NCOA2: variants seen among roughly 807,000 people sequenced by gnomAD.
NCOA2 encodes nuclear receptor coactivator 2.
NCOA2 carries 21 observed loss-of-function variants against 145.1 expected under a neutral mutation model. The ratio of observed to expected loss-of-function variants is 0.14; its 90% CI spans 0.10 to 0.21. NCOA2 has a LOEUF of 0.21. Ranked by LOEUF, NCOA2 falls within the 10% of genes least tolerant of loss-of-function variation. The pLI is 1.00. For synonymous variants in NCOA2, 619 were observed against 637.5 expected, an observed-to-expected ratio of 0.97 and a Z score of 0.44; for missense variants, 1,472 against 1,837.6, an observed-to-expected ratio of 0.80 and a Z score of 3.64.
rs558163183 is a variant in NCOA2, at chr8:70,136,103, G to A, written c.3158+2100C>T. 8.4e-4 allele frequency among the ~76,000 whole-genome samples: 128 copies of A among 152,286 alleles called. 1 individual carries two copies. The highest frequency in any genetic ancestry group is 3.0e-3 in the African/African-American group (124 of 41,540). On this transcript the variant is annotated intron_variant, in intron 15 of 22. Coordinates refer to ENST00000452400, the MANE Select transcript of NCOA2 (RefSeq NM_006540.4). ...AAATTGTGAACTTAGGCTGGGCGCG[G>A]TGGCTCACACCTACAATCTCAGCAC...
In NCOA2 at chr8:70,113,663, A is replaced by T. The variant is rs772301326; in HGVS notation, c.4384-20T>A. 6.2e-5 allele frequency: 96 copies of T among 1,551,248 alleles called. No individual in the cohort carries two copies. The highest frequency in any genetic ancestry group is 1.2e-4 in the Admixed American group (6 of 50,986). Reference sequence around the variant, plus strand: ...ATATTTCTGTAGGAAAACAGATAAAAAGTTGTGAAACATCTTTGAGGTTTT... The same window carrying T: ...ATATTTCTGTAGGAAAACAGATAAATAGTTGTGAAACATCTTTGAGGTTTT... On this transcript the variant is annotated intron_variant, in intron 22 of 22. Coordinates refer to ENST00000452400, the MANE Select transcript of NCOA2 (RefSeq NM_006540.4).
At chr8:70,402,980 C>T (rs895631061) in intron 1 of NCOA2, among the ~76,000 whole-genome samples, 1 of 145,386 alleles carries the variant, frequency 6.9e-6, no homozygotes, top group Non-Finnish European at 1.5e-5. Flanking sequence ...CGGCGCCCCT[C>T]GCCCCCCACC....
chr8:70,234,875 C>T (rs78866747), intron 2 of NCOA2, among the ~76,000 whole-genome samples: 4,398 of 152,250 alleles, frequency 0.029, 106 homozygotes, highest in Non-Finnish European at 0.047. Context: ...AGATTAAGAA[C>T]CCCTGTTCTA....
chr8:70,293,102 T>C (rs920173132), intron 2 of NCOA2, among the ~76,000 whole-genome samples: 3 of 151,924 alleles, frequency 2.0e-5, no homozygotes, highest in Non-Finnish European at 2.9e-5. Flanking sequence ...TTGAAGAAAA[T>C]ACCACAAAAA....
At chr8:70,183,431 A>G (rs1268652011) in intron 4 of NCOA2, among the ~76,000 whole-genome samples, 2 of 152,256 alleles carry the variant, frequency 1.3e-5, no homozygotes, top group Non-Finnish European at 2.9e-5. Flanking sequence ...TATGAAAATT[A>G]TATTTAAAAA....
upstream of NCOA2, among the ~76,000 whole-genome samples, chr8:70,406,618 A>C (rs958429128): frequency 1.3e-5 from 2 of 152,244 alleles, no homozygotes; most frequent in Non-Finnish European, 2.9e-5. Flanking sequence ...GAAACACCAA[A>C]AATGTCAGCA....
In NCOA2 at chr8:70,156,788, C is replaced by T. The variant is rs1307310193; in HGVS notation, c.1577G>A (p.Ser526Asn). 2 of 1,613,894 alleles carry T rather than the reference C, an allele frequency of 1.2e-6. No homozygotes were observed. The highest frequency in any genetic ancestry group is 1.3e-5 in the African/African-American group (1 of 74,928). The part of the protein sequence containing the change: ...PVGVCSSTGN[S>N]HSYTNSSLNA... ...GAGGGAGCTGTTGGTATAACTATGGCTATTTCCTGTGCTGCTGCAAACTCC... is the reference window on the plus strand; with the variant it reads ...GAGGGAGCTGTTGGTATAACTATGGTTATTTCCTGTGCTGCTGCAAACTCC... The change falls in exon 11 of 23, where the codon AGC becomes AAC. Residue 526 changes from serine (S) to asparagine (N), a missense_variant. Ser to Asn is a conservative substitution (Grantham distance 46, BLOSUM62 1). Transcript: ENST00000452400.
chr8:70,124,855 C>A lies in NCOA2; in HGVS notation c.3927G>T (p.Gln1309His). The change falls in exon 20 of 23, where the codon CAG becomes CAT. Residue 1309 changes from glutamine to histidine, a missense_variant. Physicochemically the swap from Gln to His is conservative, Grantham distance 24. Coordinates refer to ENST00000452400, the MANE Select transcript of NCOA2 (RefSeq NM_006540.4). Reference protein sequence around the residue: ...FPFPPNYGISQQPDPGFTGAT... With the variant: ...FPFPPNYGISHQPDPGFTGAT... ...CCCCAGTAAAGCCTGGATCAGGTTGCTGACTTATTCCTTAAAAAAAAAAAC... is the reference window on the plus strand; with the variant it reads ...CCCCAGTAAAGCCTGGATCAGGTTGATGACTTATTCCTTAAAAAAAAAAAC... 1 of 1,576,286 alleles carries A rather than the reference C, an allele frequency of 6.3e-7. No individual in the cohort carries two copies. Among genetic ancestry groups the A allele is most frequent in the Non-Finnish European group, 8.6e-7 (1 of 1,168,194 alleles).
intron 8 of NCOA2, 119 bp downstream of exon 8, chr8:70,163,346 C>T: frequency 1.4e-6 from 1 of 693,736 alleles, no homozygotes; most frequent in African/African-American, 1.8e-5. Context: ...GACATTTCTA[C>T]TGCAGCAGCA....
chr8:70,157,146 C>T lies in NCOA2; in HGVS notation c.1219G>A (p.Ala407Thr). The T allele has an allele frequency of 6.2e-7, 1 of 1,612,716 alleles. No individual in the cohort carries two copies. Among genetic ancestry groups the T allele is most frequent in the East Asian group, 2.2e-5 (1 of 44,848 alleles). The stretch of plus-strand genomic sequence containing the variant: ...TGACCTGGGTTCCCACTGCACAGGG[C>T]CTGATGGGCAGGGCTGTTAGAGCTA... Reference protein sequence around the residue: ...PISSNSPAHQALCSGNPGQDM... With the variant: ...PISSNSPAHQTLCSGNPGQDM... Residue 407 changes from alanine to threonine, a missense_variant, in exon 11 of 23, where the codon GCC becomes ACC. Ala to Thr is a moderately conservative substitution (Grantham distance 58). Around this residue, in one of 4 missense-constraint regions of NCOA2, gnomAD observed 953 missense variants for 1,062.1 expected, o/e 0.90. Coordinates refer to ENST00000452400, the MANE Select transcript of NCOA2 (RefSeq NM_006540.4).
chr8:70,420,574 G>A, the NCOA2 span, among the ~76,000 whole-genome samples: 3 of 152,196 alleles, frequency 2.0e-5, no homozygotes, highest in African/African-American at 7.2e-5. Context: ...GGGAGGTGGG[G>A]AGTTTAAAGA....
At chr8:70,250,564 T>C (rs1823076606) in intron 2 of NCOA2, among the ~76,000 whole-genome samples, 1 of 152,078 alleles carries the variant, frequency 6.6e-6, no homozygotes, top group Non-Finnish European at 1.5e-5. Context: ...CGAGACCCCA[T>C]TTCAAAAAGA....
rs1421142324 is a variant in NCOA2 at position 70,113,554 on chromosome 8, T to TA, written c.*77dup. 1.7e-5 allele frequency: 25 copies of TA among 1,500,820 alleles called. No homozygotes were observed. Among genetic ancestry groups the TA allele is most frequent in the Non-Finnish European group, 2.1e-5 (23 of 1,101,370 alleles). The allele number at this position is 1,500,820 out of a possible 1,614,324, so 93.0% of individuals were successfully genotyped here. A position where few individuals can be genotyped will look rare whatever the true frequency, so the allele number is the denominator to read the frequency against. Reference sequence around the variant, plus strand: ...GGCAGGTCAGTTGGGTTGAAACAAATAGACACAGCTCTCCAGACTGGAAGT... The same window carrying TA: ...GGCAGGTCAGTTGGGTTGAAACAAATAAGACACAGCTCTCCAGACTGGAAGT... On this transcript the variant is annotated 3_prime_UTR_variant, in exon 23 of 23. Coordinates refer to ENST00000452400, the MANE Select transcript of NCOA2 (RefSeq NM_006540.4).
At chr8:70,310,502 T>C (rs1245217593) in intron 1 of NCOA2, among the ~76,000 whole-genome samples, 1 of 152,192 alleles carries the variant, frequency 6.6e-6, no homozygotes. Flanking sequence ...TAATAAAATG[T>C]TTGGGTTCTG....
intron 1 of NCOA2, among the ~76,000 whole-genome samples, chr8:70,302,288 C>A (rs993339609): frequency 1.3e-5 from 2 of 152,062 alleles, no homozygotes; most frequent in Non-Finnish European, 2.9e-5. Flanking sequence ...GAGGACTAGA[C>A]ATGCAAAGTA....
chr8:70,126,512 T>C (rs1808426650), intron 19 of NCOA2: 1 of 402,688 alleles, frequency 2.5e-6, no homozygotes, highest in South Asian at 4.7e-5. Flanking sequence ...CATAGATCCA[T>C]ACACGCTCGC....
At chr8:70,118,941 G>A (rs1387157701) in intron 22 of NCOA2, among the ~76,000 whole-genome samples, 1 of 152,092 alleles carries the variant, frequency 6.6e-6, no homozygotes, top group African/African-American at 2.4e-5. Flanking sequence ...ATCCGCCTCA[G>A]CCTCCGAAAG....
At position 70,347,103 on chromosome 8, in the gene NCOA2, T is replaced by C. The variant is rs74989548; in HGVS notation, c.-76-50303A>G. On this transcript the variant is annotated intron_variant, in intron 1 of 22. Transcript: ENST00000452400. ...ACAAACTACGATAGTGGGATTTACT[T>C]CTTAAATTTATCCACGTTGAATTTA... Among the ~76,000 whole-genome samples, 20 of 152,326 alleles carry C rather than the reference T, an allele frequency of 1.3e-4. No individual in the cohort carries two copies. In the East Asian group the frequency reaches 3.9e-3, roughly 29 times the overall value.
chr8:70,450,570 A>ATTTTTTTT, the NCOA2 span, among the ~76,000 whole-genome samples: 29 of 61,096 alleles, frequency 4.7e-4, no homozygotes, highest in East Asian at 1.7e-3. Flanking sequence ...ACTTCTTTTT[A>ATTTTTTTT]TTCTTTTTTT....
Sources: allele counts gnomAD v4.1 joint callset (sites outside exome capture counted in the v4.1 genomes callset), GRCh38; gene constraint gnomAD v4.1.1; regional missense constraint gnomAD v4.1.1; transcripts MANE v1.5; gene names NCBI Gene and HGNC (gene_info 2026-07-23, HGNC 2026-07-21).